Variants in SYTL4 observed in about 807,000 individuals in gnomAD.
The protein encoded by SYTL4 is synaptotagmin-like protein 4.
A neutral mutation model predicts 52.7 loss-of-function variants in SYTL4; 16 were observed. The observed-to-expected ratio is 0.30, with a 90% CI of 0.21 to 0.46. SYTL4 has a LOEUF of 0.46. SYTL4 is among the 20% of genes least tolerant of loss of function. The pLI, the probability that SYTL4 is intolerant of heterozygous loss-of-function variation, is 1.00. For missense variants in SYTL4, 423 were observed against 519.9 expected (o/e 0.81, Z 1.81); for synonymous variants, 160 against 186.6 (o/e 0.86, Z 1.16).
At chrX:100,686,341 T>C (rs1298341604) in intron 15 of SYTL4, 190 bp from the exon 16 acceptor site, 10 of 415,285 alleles carry the variant, frequency 2.4e-5, no homozygotes, top group Non-Finnish European at 3.6e-5. Context: ...ACCTACCATA[T>C]TCCATAGGAG....
At chrX:100,716,071 G>A (rs1204788124) in intron 2 of SYTL4, among the ~76,000 whole-genome samples, 2 of 109,412 alleles carry the variant, frequency 1.8e-5, no homozygotes, top group East Asian at 5.8e-4. Flanking sequence ...TGGGTTTCCA[G>A]AACATGGGTG....
intron 16 of SYTL4, 85 bp downstream of exon 16, chrX:100,685,905 A>G: frequency 1.0e-6 from 1 of 967,702 alleles, no homozygotes; most frequent in Non-Finnish European, 1.4e-6. Context: ...CTACATTCAA[A>G]GACGCTACCA....
intron 8 of SYTL4, among the ~76,000 whole-genome samples, chrX:100,694,745 T>G (rs991615467): frequency 3.6e-5 from 4 of 112,043 alleles, no homozygotes; most frequent in African/African-American, 1.3e-4. Context: ...TAGGCATTCA[T>G]AGATATTTGT....
intron 4 of SYTL4, among the ~76,000 whole-genome samples, 183 bp downstream of exon 4, chrX:100,702,910 T>G (rs750816432): frequency 9.0e-6 from 1 of 111,718 alleles, no homozygotes; most frequent in Non-Finnish European, 1.9e-5. Flanking sequence ...CTATCTTGCA[T>G]AGAGAGAGGA....
chrX:100,714,245 A>G (rs2084141920), intron 2 of SYTL4, among the ~76,000 whole-genome samples: 1 of 104,331 alleles, frequency 9.6e-6, no homozygotes, highest in African/African-American at 3.4e-5. Flanking sequence ...TTGAAACACT[A>G]AAATATTTTA....
chrX:100,687,669 A>G (rs1434363287), intron 13 of SYTL4: 1 of 122,028 alleles, frequency 8.2e-6, no homozygotes, highest in African/African-American at 3.2e-5. Context: ...TATCCACCTT[A>G]TGTCTTATCA....
rs778723827 is a variant in SYTL4 at position 100,687,114 on chromosome X, C to T, written c.1137G>A (p.Glu379=). The change falls in exon 14 of 20, where the codon GAG becomes GAA. Residue 379 remains glutamate, a synonymous_variant. Coordinates refer to ENST00000372989, the MANE Select transcript of SYTL4 (RefSeq NM_001370165.1). ...QTQSLVVHVK[E]CHQLAYADEA... ...CATCAGCATAGGCCAGCTGATGGCA[C>T]TCCTTCACATGGACAACCAGACTCT... The T allele has an allele frequency of 8.3e-7, 1 of 1,209,664 alleles. No homozygotes were observed. Among genetic ancestry groups the T allele is most frequent in the Non-Finnish European group, 1.1e-6 (1 of 895,188 alleles).
rs1182373295 is a variant in SYTL4, at chrX:100,675,996, C to A, written c.*32G>T. ...CTTCACTTCCTCTGACCTGCCCTCG[C>A]CAGGGCTGGACCTGCAGAAGAGGAC... is the stretch of plus-strand genomic sequence containing the variant. On this transcript the variant is annotated 3_prime_UTR_variant, in exon 20 of 20. Transcript: ENST00000372989. 9 of 1,193,969 alleles carry A rather than the reference C, an allele frequency of 7.5e-6. No individual in the cohort carries two copies. The highest frequency in any genetic ancestry group is 6.8e-6 in the Non-Finnish European group (6 of 886,856).
chrX:100,698,101 T>A (rs1197123746), intron 8 of SYTL4, among the ~76,000 whole-genome samples: 1 of 110,933 alleles, frequency 9.0e-6, no homozygotes, highest in African/African-American at 3.3e-5. Context: ...ACTAAACTTT[T>A]TTTTTATTTT....
At chrX:100,686,575 G>A in intron 15 of SYTL4, 104 bp downstream of exon 15, 2 of 539,197 alleles carry the variant, frequency 3.7e-6, no homozygotes, top group Non-Finnish European at 6.2e-6. Flanking sequence ...ACACAGACAT[G>A]GCCCACTGAA....
At chrX:100,700,596 A>G (rs1345836812) in intron 8 of SYTL4, among the ~76,000 whole-genome samples, 1 of 112,210 alleles carries the variant, frequency 8.9e-6, no homozygotes, top group Non-Finnish European at 1.9e-5. Flanking sequence ...TTGCTTAATA[A>G]TGAGCATGTG....
intron 18 of SYTL4, 48 bp from the exon 19 acceptor site, chrX:100,678,647 T>TA: frequency 9.3e-7 from 1 of 1,072,876 alleles, no homozygotes; most frequent in East Asian, 3.0e-5. Context: ...AGCGGACAGT[T>TA]ATCTCTCTAA....
At chrX:100,718,332 T>C (rs2084269237) in intron 2 of SYTL4, among the ~76,000 whole-genome samples, 1 of 112,023 alleles carries the variant, frequency 8.9e-6, no homozygotes, top group South Asian at 3.7e-4. Flanking sequence ...TAATTAGATA[T>C]GATCAGTTTA....
At chrX:100,691,292 T>C in intron 8 of SYTL4, 83 bp from the exon 9 acceptor site, 1 of 618,987 alleles carries the variant, frequency 1.6e-6, no homozygotes, top group East Asian at 3.5e-5. Flanking sequence ...CCATTCACAA[T>C]CGTAGCCTGA....
At chrX:100,707,343 A>G (rs2083977773) in intron 2 of SYTL4, among the ~76,000 whole-genome samples, 1 of 111,645 alleles carries the variant, frequency 9.0e-6, no homozygotes, top group Non-Finnish European at 1.9e-5. Flanking sequence ...TAAAATTTAT[A>G]AAGACACTTC....
chrX:100,690,326 T>C (rs1483888736), intron 10 of SYTL4, among the ~76,000 whole-genome samples, 161 bp from the exon 11 acceptor site: 1 of 111,883 alleles, frequency 8.9e-6, no homozygotes, highest in Non-Finnish European at 1.9e-5. Flanking sequence ...CAAAACCTAT[T>C]TTCTCACACA....
At chrX:100,681,502 G>T (rs1228587808) in intron 16 of SYTL4, among the ~76,000 whole-genome samples, 167 bp from the exon 17 acceptor site, 1 of 111,538 alleles carries the variant, frequency 9.0e-6, no homozygotes, top group African/African-American at 3.3e-5. Flanking sequence ...GCAGCCACAG[G>T]TTTCTATGGC....
intron 2 of SYTL4, among the ~76,000 whole-genome samples, chrX:100,718,007 T>C (rs1741743564): frequency 8.9e-6 from 1 of 111,840 alleles, no homozygotes; most frequent in Admixed American, 9.5e-5. Flanking sequence ...TTAACCTCCT[T>C]GAGTCTGTTT....
intron 2 of SYTL4, among the ~76,000 whole-genome samples, chrX:100,728,334 TA>T (rs751192674): frequency 3.6e-5 from 4 of 112,563 alleles, no homozygotes; most frequent in African/African-American, 1.3e-4. Context: ...AAAACACTTT[TA>T]AACAGAATAG....
Sources: allele counts gnomAD v4.1 joint callset (sites outside exome capture counted in the v4.1 genomes callset), GRCh38; gene constraint gnomAD v4.1.1; transcripts MANE v1.5; gene names NCBI Gene and HGNC (gene_info 2026-07-23, HGNC 2026-07-21).